RAP1GAP: variants seen among roughly 807,000 people sequenced by gnomAD.
RAP1GAP encodes the protein RAP1 GTPase activating protein.
RAP1GAP carries 35 observed loss-of-function variants against 87.2 expected under a neutral mutation model. The observed-to-expected ratio is 0.40, with a 90% CI of 0.31 to 0.53. RAP1GAP has a LOEUF of 0.53. Ranked by LOEUF, RAP1GAP falls within the 20% of genes least tolerant of loss-of-function variation. RAP1GAP has a pLI of 0.48. For synonymous variants in RAP1GAP, 375 were observed against 363.9 expected, an observed-to-expected ratio of 1.03 and a Z score of -0.35; for missense variants, 734 against 898.9, an observed-to-expected ratio of 0.82 and a Z score of 2.35.
chr1:21,598,371 T>G (rs764460429), intron 22 of RAP1GAP, 29 bp downstream of exon 22: 1 of 1,575,466 alleles, frequency 6.3e-7, no homozygotes, highest in South Asian at 1.1e-5. Flanking sequence ...GTAGCCCTGC[T>G]TTGTGGGGAA....
chr1:21,637,153 T>C lies in RAP1GAP; in HGVS notation c.-112-10756A>G, dbSNP rs1208831875. Among the ~76,000 whole-genome samples the C allele has an allele frequency of 3.3e-5, 5 of 149,610 alleles. No homozygotes were observed. The East Asian group carries it at 5.8e-4, about 17-fold the overall frequency. On this transcript the variant is annotated intron_variant, in intron 2 of 24. Transcript: ENST00000374765. ...TTGAAATTCTTTTTTTTCTTTTTTT[T>C]TTTTTTTTTTGGTGGTGGTTGGGGG...
intron 1 of RAP1GAP, among the ~76,000 whole-genome samples, chr1:21,657,141 C>G (rs2096898351): frequency 6.6e-6 from 1 of 152,230 alleles, no homozygotes; most frequent in Non-Finnish European, 1.5e-5. Context: ...AGTCATCTAA[C>G]TCATGCCTGT....
intron 20 of RAP1GAP, among the ~76,000 whole-genome samples, chr1:21,600,617 T>A (rs2067362330): frequency 6.6e-6 from 1 of 152,184 alleles, no homozygotes. Flanking sequence ...CTGGGCGCAG[T>A]GGCTCACGCC....
intron 1 of RAP1GAP, among the ~76,000 whole-genome samples, chr1:21,662,882 A>G (rs6426723): frequency 0.053 from 8,141 of 152,260 alleles, 230 homozygotes; most frequent in African/African-American, 0.056. Flanking sequence ...AATGAGATAG[A>G]TCCATGAAAA....
rs1198457987 is a variant in RAP1GAP at position 21,608,438 on chromosome 1, G to A, written c.1159-88C>T. Reference sequence around the variant, plus strand: ...AAATCCTGGCCACCTTCTGAGGCACGGGCCACCTTCTCTGAATGAGTGGGG... The same window carrying A: ...AAATCCTGGCCACCTTCTGAGGCACAGGCCACCTTCTCTGAATGAGTGGGG... On this transcript the variant is annotated intron_variant, in intron 16 of 24. Coordinates refer to ENST00000374765, the MANE Select transcript of RAP1GAP (RefSeq NM_002885.4). The A allele has an allele frequency of 9.2e-6, 14 of 1,514,930 alleles. No homozygotes were observed. In the East Asian group the frequency reaches 1.6e-4, roughly 17 times the overall value. 93.8% of individuals were successfully genotyped at this position (1,514,930 alleles called of 1,614,324 possible). A position where few individuals can be genotyped will look rare whatever the true frequency, so the allele number is the denominator to read the frequency against.
At chr1:21,605,886 C>G (rs370400298) in intron 18 of RAP1GAP, among the ~76,000 whole-genome samples, 180 bp downstream of exon 18, 6 of 152,250 alleles carry the variant, frequency 3.9e-5, no homozygotes, top group Non-Finnish European at 2.9e-5. Flanking sequence ...CCGCAGTGTC[C>G]TGGCCTGGGC....
chr1:21,610,140 G>T lies in RAP1GAP; in HGVS notation c.979C>A (p.Pro327Thr), dbSNP rs771323626. 3.7e-6 allele frequency: 6 copies of T among 1,614,032 alleles called. No individual in the cohort carries two copies. In the Admixed American group the frequency reaches 8.3e-5, roughly 22 times the overall value. The stretch of plus-strand genomic sequence containing the variant: ...CCCACCTTGTAGAGGGGGCCATCAG[G>T]GCCCCCGCCCTCAGCCTGCACCACG... ...YVVVQAEGGG[P>T]DGPLYKVSVT... Residue 327 changes from proline to threonine, a missense_variant, in exon 14 of 25, where the codon CCT becomes ACT. Coordinates refer to ENST00000374765, the MANE Select transcript of RAP1GAP (RefSeq NM_002885.4).
intron 2 of RAP1GAP, among the ~76,000 whole-genome samples, chr1:21,627,414 T>C (rs889080218): frequency 8.1e-4 from 121 of 149,452 alleles, no homozygotes; most frequent in East Asian, 2.3e-3. Context: ...TTCTTCTTTT[T>C]TTTTTTTTTT....
intron 2 of RAP1GAP, among the ~76,000 whole-genome samples, chr1:21,632,884 A>G (rs969194269): frequency 6.6e-6 from 1 of 152,172 alleles, no homozygotes; most frequent in African/African-American, 2.4e-5. Context: ...CTGGCGACAG[A>G]GCAAGACCCC....
At chr1:21,626,503 C>T in intron 2 of RAP1GAP, 106 bp from the exon 3 acceptor site, 1 of 915,448 alleles carries the variant, frequency 1.1e-6, no homozygotes, top group Admixed American at 1.8e-5. Context: ...GGATAGACTT[C>T]ACGGAGGAGA....
At chr1:21,608,124 G>C in intron 17 of RAP1GAP, 89 bp downstream of exon 17, 1 of 1,488,832 alleles carries the variant, frequency 6.7e-7, no homozygotes, top group Non-Finnish European at 9.0e-7. Flanking sequence ...CCACCCCCAC[G>C]CCGTGTCCAT....
intron 1 of RAP1GAP, chr1:21,651,923 C>T: frequency 1.1e-6 from 1 of 948,740 alleles, no homozygotes; most frequent in Non-Finnish European, 1.3e-6. Flanking sequence ...CGCCCCCGCC[C>T]CAGCTCGGAT....
At chr1:21,654,888 C>T (rs1383176634) in intron 1 of RAP1GAP, among the ~76,000 whole-genome samples, 8 of 151,952 alleles carry the variant, frequency 5.3e-5, no homozygotes, top group South Asian at 2.1e-4. Context: ...CACCTGTAAT[C>T]CCAGCACTCT....
At chr1:21,617,907 G>T (rs1173101212) in intron 6 of RAP1GAP, 27 bp downstream of exon 6, 2 of 1,613,998 alleles carry the variant, frequency 1.2e-6, no homozygotes, top group East Asian at 2.2e-5. Context: ...CTTGAGTAAG[G>T]GTGGGCGCGG....
intron 10 of RAP1GAP, chr1:21,612,886 C>T: frequency 2.1e-6 from 1 of 474,286 alleles, no homozygotes; most frequent in Admixed American, 3.3e-5. Flanking sequence ...GCACAGCTTG[C>T]TCTCAGGAGG....
intron 23 of RAP1GAP, 110 bp downstream of exon 23, chr1:21,597,851 G>A (rs535282755): frequency 2.0e-6 from 3 of 1,511,580 alleles, no homozygotes; most frequent in Non-Finnish European, 2.7e-6. Context: ...TCCTGGCCTA[G>A]CGGGGCCTAG....
chr1:21,641,004 T>G (rs2151370681), intron 2 of RAP1GAP, among the ~76,000 whole-genome samples: 1 of 151,614 alleles, frequency 6.6e-6, no homozygotes, highest in South Asian at 2.1e-4. Context: ...ACCTCCTGGG[T>G]TCAAGCGATT....
intron 2 of RAP1GAP, among the ~76,000 whole-genome samples, chr1:21,631,010 C>T (rs1456556068): frequency 6.6e-6 from 1 of 152,116 alleles, no homozygotes; most frequent in Non-Finnish European, 1.5e-5. Flanking sequence ...TCCCCTTCTT[C>T]CTCTGGCCTC....
At chr1:21,637,317 C>T (rs562135196) in intron 2 of RAP1GAP, among the ~76,000 whole-genome samples, 7 of 49,794 alleles carry the variant, frequency 1.4e-4, no homozygotes, top group East Asian at 1.7e-3. Flanking sequence ...CCACCACATC[C>T]GGCTAATTTT....
Sources: gnomAD v4.1 joint callset for allele counts (sites outside exome capture counted in the v4.1 genomes callset) on GRCh38, gnomAD v4.1.1 for gene constraint, MANE v1.5 for transcripts, NCBI Gene and HGNC (gene_info 2026-07-23, HGNC 2026-07-21) for gene names.